CLDN14: variants seen among roughly 807,000 people sequenced by gnomAD.
The protein encoded by CLDN14 is claudin-14.
In CLDN14, 2 loss-of-function variants were observed where a neutral mutation model predicts 2.1. The ratio of observed to expected loss-of-function variants is 0.96; its 90% CI spans 0.39 to 3.01. The LOEUF is 3.01. Among genes scored for constraint, CLDN14 ranks in the 30% most tolerant of loss-of-function variants. The pLI, the probability that CLDN14 is intolerant of heterozygous loss-of-function variation, is 0.09. For synonymous variants in CLDN14, 136 were observed against 154.4 expected (o/e 0.88, Z 0.88); for missense variants, 298 against 328.0 (o/e 0.91, Z 0.71).
At chr21:36,505,901 C>A (rs2087128207) in intron 2 of CLDN14, among the ~76,000 whole-genome samples, 1 of 152,172 alleles carries the variant, frequency 6.6e-6, no homozygotes, top group South Asian at 2.1e-4. Context: ...CTTTTGTCTT[C>A]TCTGAAAAAT....
intron 1 of CLDN14, among the ~76,000 whole-genome samples, chr21:36,553,075 C>A (rs448014): frequency 0.75 from 113,892 of 152,104 alleles, 44,127 homozygotes; most frequent in Non-Finnish European, 0.87. Context: ...GGAGAGTGCG[C>A]AACAGATGGG....
intron 1 of CLDN14, among the ~76,000 whole-genome samples, chr21:36,561,644 G>T (rs1415599269): frequency 6.6e-6 from 1 of 152,158 alleles, no homozygotes; most frequent in Non-Finnish European, 1.5e-5. Flanking sequence ...GCAAAGTAAT[G>T]TTGCCCCAGT....
intron 1 of CLDN14, among the ~76,000 whole-genome samples, chr21:36,556,451 G>A (rs928001364): frequency 6.6e-6 from 1 of 152,138 alleles, no homozygotes; most frequent in South Asian, 2.1e-4. Flanking sequence ...GGGGGTGGTA[G>A]GAAGACCACA....
chr21:36,533,269 G>A (rs1369451911), intron 1 of CLDN14, among the ~76,000 whole-genome samples: 1 of 152,194 alleles, frequency 6.6e-6, no homozygotes, highest in Non-Finnish European at 1.5e-5. Context: ...GGTCTGCACG[G>A]GCAGGGGATG....
At chr21:36,537,234 G>T (rs1218217546) in intron 1 of CLDN14, among the ~76,000 whole-genome samples, 1 of 151,782 alleles carries the variant, frequency 6.6e-6, no homozygotes, top group African/African-American at 2.4e-5. Context: ...AAACAAATCT[G>T]CAGAGAGAGA....
At chr21:36,572,664 C>T (rs1186788483) in intron 1 of CLDN14, among the ~76,000 whole-genome samples, 2 of 152,032 alleles carry the variant, frequency 1.3e-5, no homozygotes, top group Non-Finnish European at 2.9e-5. Flanking sequence ...GTTTTTTAAA[C>T]GGATGCTTTG....
chr21:36,555,203 T>G (rs2146520007), intron 1 of CLDN14, among the ~76,000 whole-genome samples: 1 of 152,346 alleles, frequency 6.6e-6, no homozygotes, highest in South Asian at 2.1e-4. Context: ...AGTGTTGCTT[T>G]TCTAGTATTT....
intron 1 of CLDN14, among the ~76,000 whole-genome samples, chr21:36,476,290 C>T (rs1189901788): frequency 6.6e-6 from 1 of 152,152 alleles, no homozygotes; most frequent in African/African-American, 2.4e-5. Context: ...CTTTATTTAT[C>T]TTGCTGCCTT....
At chr21:36,543,661 G>A (rs190612139) in intron 1 of CLDN14, among the ~76,000 whole-genome samples, 1 of 152,290 alleles carries the variant, frequency 6.6e-6, no homozygotes, top group African/African-American at 2.4e-5. Context: ...TTACAAAAGA[G>A]TACAATTGAG....
At chr21:36,463,319 T>C (rs538137714) in intron 1 of CLDN14, among the ~76,000 whole-genome samples, 1 of 152,226 alleles carries the variant, frequency 6.6e-6, no homozygotes, top group Non-Finnish European at 1.5e-5. Flanking sequence ...AAAACCTGCT[T>C]CTTCTTCTGC....
chr21:36,542,401 T>A (rs2087497057), intron 1 of CLDN14, among the ~76,000 whole-genome samples: 1 of 152,212 alleles, frequency 6.6e-6, no homozygotes, highest in Non-Finnish European at 1.5e-5. Context: ...ACACTTAAGA[T>A]AAAGGAAGAT....
chr21:36,471,679 T>A (rs986514840), intron 1 of CLDN14, among the ~76,000 whole-genome samples: 3 of 152,210 alleles, frequency 2.0e-5, no homozygotes, highest in African/African-American at 7.2e-5. Context: ...TAGTCAGGAC[T>A]TACAGCAAAA....
At chr21:36,553,620 C>A (rs1375568339) in intron 1 of CLDN14, among the ~76,000 whole-genome samples, 2 of 151,956 alleles carry the variant, frequency 1.3e-5, no homozygotes, top group Non-Finnish European at 2.9e-5. Flanking sequence ...CCCCACACTT[C>A]GTGGTCAGCC....
chr21:36,561,418 C>A (rs893217918), intron 1 of CLDN14, among the ~76,000 whole-genome samples: 10 of 152,150 alleles, frequency 6.6e-5, no homozygotes, highest in South Asian at 2.1e-4. Flanking sequence ...GACAGGAAAC[C>A]CTTTGGGATT....
chr21:36,559,904 C>T (rs1025525401), intron 1 of CLDN14, among the ~76,000 whole-genome samples: 3 of 152,104 alleles, frequency 2.0e-5, no homozygotes, highest in Non-Finnish European at 4.4e-5. Flanking sequence ...TTAATGGTGA[C>T]TTTTTGAATC....
At chr21:36,512,043 GAAGTGCTGACTGTT>G (rs2087190784) in intron 1 of CLDN14, among the ~76,000 whole-genome samples, 1 of 152,188 alleles carries the variant, frequency 6.6e-6, no homozygotes, top group South Asian at 2.1e-4. Context: ...GGATCTCCAG[GAAGTGCTGACTGTT>G]AATGACTCTG....
At chr21:36,510,716 G>A (rs2087178661) in intron 1 of CLDN14, among the ~76,000 whole-genome samples, 1 of 152,182 alleles carries the variant, frequency 6.6e-6, no homozygotes, top group Admixed American at 6.5e-5. Flanking sequence ...AATTCCCCTT[G>A]AAAGAAACTC....
At chr21:36,529,901 T>C (rs1050404238) in intron 1 of CLDN14, among the ~76,000 whole-genome samples, 2 of 152,116 alleles carry the variant, frequency 1.3e-5, no homozygotes, top group African/African-American at 4.8e-5. Flanking sequence ...TATATTATGC[T>C]AATATCGGAG....
At chr21:36,533,163 C>T (rs942719190) in intron 1 of CLDN14, among the ~76,000 whole-genome samples, 5 of 152,154 alleles carry the variant, frequency 3.3e-5, no homozygotes, top group African/African-American at 9.7e-5. Context: ...GGGCTTAGCT[C>T]GGGTGGGGCT....
Sources: allele counts gnomAD v4.1 joint callset (sites outside exome capture counted in the v4.1 genomes callset), GRCh38; gene constraint gnomAD v4.1.1; transcripts MANE v1.5; gene names NCBI Gene and HGNC (gene_info 2026-07-23, HGNC 2026-07-21).